Variants in KLF12 observed in about 807,000 individuals in gnomAD.
The protein encoded by KLF12 is Krueppel-like factor 12.
A neutral mutation model predicts 37.8 loss-of-function variants in KLF12; 9 were observed. That is an observed-to-expected ratio of 0.24 (90% CI 0.14 to 0.42). KLF12 has a LOEUF of 0.42. KLF12 is among the 10% of genes least tolerant of loss of function. KLF12 has a pLI of 1.00. For missense variants in KLF12, 411 were observed against 516.0 expected, an observed-to-expected ratio of 0.80 and a Z score of 1.97; for synonymous variants, 208 against 202.1, an observed-to-expected ratio of 1.03 and a Z score of -0.25.
At chr13:73,741,025 C>T (rs541344226) in intron 6 of KLF12, among the ~76,000 whole-genome samples, 7 of 152,192 alleles carry the variant, frequency 4.6e-5, no homozygotes, top group East Asian at 3.8e-4. Context: ...AAAGTGCTAA[C>T]GGCATTTTCA....
chr13:73,752,812 G>A (rs1488338514), intron 6 of KLF12, among the ~76,000 whole-genome samples: 4 of 150,434 alleles, frequency 2.7e-5, no homozygotes, highest in South Asian at 2.1e-4. Flanking sequence ...TGCCTCCCGG[G>A]TTCAAGCAAT....
At chr13:73,891,082 A>G (rs753192157) in intron 3 of KLF12, among the ~76,000 whole-genome samples, 71 of 152,266 alleles carry the variant, frequency 4.7e-4, no homozygotes, top group Non-Finnish European at 9.1e-4. Flanking sequence ...TTTCACCTTA[A>G]TAAGACTAAA....
At chr13:73,767,022 G>A (rs1879962015) in intron 5 of KLF12, among the ~76,000 whole-genome samples, 1 of 152,096 alleles carries the variant, frequency 6.6e-6, no homozygotes, top group African/African-American at 2.4e-5. Flanking sequence ...ATAATTACAA[G>A]GTTTCCTAAA....
intron 2 of KLF12, among the ~76,000 whole-genome samples, chr13:73,944,293 A>G (rs1480445515): frequency 6.6e-6 from 1 of 152,134 alleles, no homozygotes; most frequent in Non-Finnish European, 1.5e-5. Context: ...TGATTCTCTG[A>G]CCTCTGGGTT....
chr13:74,102,908 T>C (rs1295780099), intron 1 of KLF12, among the ~76,000 whole-genome samples: 1 of 152,216 alleles, frequency 6.6e-6, no homozygotes, highest in African/African-American at 2.4e-5. Context: ...TTTAGGACAG[T>C]TGTTGAAATC....
At chr13:73,704,621 G>A (rs1398352200) in intron 7 of KLF12, among the ~76,000 whole-genome samples, 1 of 152,082 alleles carries the variant, frequency 6.6e-6, no homozygotes, top group Non-Finnish European at 1.5e-5. Flanking sequence ...TGCCTCCTAT[G>A]CACACCAATT....
chr13:74,128,011 A>C (rs1020000466), intron 1 of KLF12, among the ~76,000 whole-genome samples: 1 of 152,244 alleles, frequency 6.6e-6, no homozygotes, highest in African/African-American at 2.4e-5. Context: ...GACTCATTAA[A>C]GAAGTAGCCT....
intron 1 of KLF12, among the ~76,000 whole-genome samples, chr13:74,026,173 C>T (rs1388046056): frequency 6.8e-6 from 1 of 148,132 alleles, no homozygotes; most frequent in East Asian, 2.0e-4. Context: ...AAAAAAAAAC[C>T]TTTACCTTGG....
chr13:73,969,447 A>T (rs1891266611), intron 2 of KLF12, among the ~76,000 whole-genome samples: 2 of 152,150 alleles, frequency 1.3e-5, no homozygotes, highest in Non-Finnish European at 2.9e-5. Context: ...GGGATTTTTT[A>T]CACTTCTTTC....
chr13:74,015,419 C>T (rs765115702), intron 1 of KLF12, among the ~76,000 whole-genome samples: 28 of 152,126 alleles, frequency 1.8e-4, no homozygotes, highest in Admixed American at 3.3e-4. Flanking sequence ...CGAAATAATG[C>T]GAGTGCTTAT....
At chr13:73,947,574 C>G (rs1890483013) in intron 2 of KLF12, among the ~76,000 whole-genome samples, 1 of 144,866 alleles carries the variant, frequency 6.9e-6, no homozygotes, top group Admixed American at 7.3e-5. Flanking sequence ...TCGCTTGAAC[C>G]CGGGAGGCAG....
At chr13:73,824,665 T>G (rs1387140985) in intron 4 of KLF12, among the ~76,000 whole-genome samples, 1 of 152,188 alleles carries the variant, frequency 6.6e-6, no homozygotes, top group East Asian at 1.9e-4. Flanking sequence ...AGAGAAAAAT[T>G]TACTCTGTAA....
At position 74,121,352 on chromosome 13, in the gene KLF12, G is replaced by C. The variant is rs138600795; in HGVS notation, c.-32+12387C>G. 3.2e-3 allele frequency among the ~76,000 whole-genome samples: 482 copies of C among 151,918 alleles called. 2 individuals carry two copies. The highest frequency in any genetic ancestry group is 0.011 in the African/African-American group (461 of 41,482). On this transcript the variant is annotated intron_variant, in intron 1 of 7. Transcript: ENST00000377669. ...ACAAAGTATTCCAAAAAATAGAAGA[G>C]AATGAAAAACTTCCCAACTCATTAT...
intron 1 of KLF12, among the ~76,000 whole-genome samples, chr13:74,122,327 T>C (rs1190410805): frequency 6.6e-6 from 1 of 152,080 alleles, no homozygotes; most frequent in Non-Finnish European, 1.5e-5. Context: ...CAAAAGATGT[T>C]CAAAGTCACT....
In KLF12 at chr13:73,773,656, C is replaced by T. The variant is rs771844374; in HGVS notation, c.807-8656G>A. 4.5e-4 allele frequency among the ~76,000 whole-genome samples: 69 copies of T among 152,186 alleles called. 1 individual carries two copies. The highest frequency in any genetic ancestry group is 2.6e-3 in the Admixed American group (39 of 15,276). ...AAGACCTCCCCTAATCCCTTGGCTG[C>T]ACTATAGCATAGTGATATTTTTCAG... On this transcript the variant is annotated intron_variant, in intron 5 of 7. Transcript: ENST00000377669.
intron 1 of KLF12, among the ~76,000 whole-genome samples, chr13:74,102,125 G>A (rs577788701): frequency 6.6e-6 from 1 of 151,870 alleles, no homozygotes; most frequent in African/African-American, 2.4e-5. Flanking sequence ...AGCTGAGGCA[G>A]GAGAATCGCT....
chr13:74,228,945 A>G, the KLF12 span, among the ~76,000 whole-genome samples: 1 of 152,122 alleles, frequency 6.6e-6, no homozygotes, highest in African/African-American at 2.4e-5. Flanking sequence ...GAATAATGTT[A>G]ATACCATTGG....
intron 2 of KLF12, among the ~76,000 whole-genome samples, chr13:73,983,115 T>A (rs1891732227): frequency 6.6e-6 from 1 of 152,174 alleles, no homozygotes; most frequent in Admixed American, 6.5e-5. Flanking sequence ...TCGCACCCTG[T>A]CCCTGTCTAC....
At chr13:74,270,124 G>C in the KLF12 span, among the ~76,000 whole-genome samples, 34 of 152,122 alleles carry the variant, frequency 2.2e-4, no homozygotes, top group African/African-American at 8.0e-4. Flanking sequence ...GCTTACTAGG[G>C]GGAGCCTCTA....
Sources: gnomAD v4.1 joint callset for allele counts (sites outside exome capture counted in the v4.1 genomes callset) on GRCh38, gnomAD v4.1.1 for gene constraint, MANE v1.5 for transcripts, NCBI Gene and HGNC (gene_info 2026-07-23, HGNC 2026-07-21) for gene names.